RHOQ: variants seen among roughly 807,000 people sequenced by gnomAD.
RHOQ encodes the protein ras homolog family member Q.
A neutral mutation model predicts 25.8 loss-of-function variants in RHOQ; 7 were observed. The ratio of observed to expected loss-of-function variants is 0.27; its 90% CI spans 0.15 to 0.51. The LOEUF is 0.51. Ranked by LOEUF, RHOQ falls within the 20% of genes least tolerant of loss-of-function variation. The pLI, the probability that RHOQ is intolerant of heterozygous loss-of-function variation, is 0.97. For missense variants in RHOQ, 165 were observed against 260.6 expected, an observed-to-expected ratio of 0.63 and a Z score of 2.53; for synonymous variants, 97 against 98.6, an observed-to-expected ratio of 0.98 and a Z score of 0.10.
intron 2 of RHOQ, among the ~76,000 whole-genome samples, chr2:46,549,378 T>C: frequency 6.6e-6 from 1 of 152,062 alleles, no homozygotes; most frequent in Non-Finnish European, 1.5e-5. Flanking sequence ...TGCGGTTTTG[T>C]TGTGCAGTTT....
intron 2 of RHOQ, among the ~76,000 whole-genome samples, chr2:46,565,249 T>C (rs1668695417): frequency 6.6e-6 from 1 of 152,130 alleles, no homozygotes; most frequent in Non-Finnish European, 1.5e-5. Flanking sequence ...TAGCTAAGTA[T>C]GGGGCCAGGG....
intron 1 of RHOQ, 71 bp from the exon 2 acceptor site, chr2:46,543,683 G>T: frequency 7.1e-7 from 1 of 1,408,366 alleles, no homozygotes; most frequent in Non-Finnish European, 9.9e-7. Flanking sequence ...GGGTCCGGGT[G>T]GGGAGCGAAA....
intron 2 of RHOQ, among the ~76,000 whole-genome samples, chr2:46,562,317 C>T (rs1332181369): frequency 1.3e-5 from 2 of 151,900 alleles, no homozygotes; most frequent in African/African-American, 4.8e-5. Flanking sequence ...CCACCTGTCC[C>T]GTTGCTGACT....
chr2:46,563,259 T>G (rs1339015028), intron 2 of RHOQ, among the ~76,000 whole-genome samples: 1 of 152,180 alleles, frequency 6.6e-6, no homozygotes, highest in African/African-American at 2.4e-5. Context: ...CCTACCCACC[T>G]CTCCGTGTGA....
rs1367806919 is a variant in RHOQ at position 46,576,069 on chromosome 2, C to G, written c.202-18C>G. On this transcript the variant is annotated intron_variant, in intron 2 of 4. Transcript: ENST00000238738. This position sits in a 1 kb window ranked among gnomAD's most constrained non-coding sequence, Gnocchi z 5.1. ...ATAGAAATGTAAATACATAATGAGG[C>G]TTTTCTTTGTTCCTCAGGAAGACTA... The G allele has an allele frequency of 6.3e-7, 1 of 1,576,944 alleles. No individual in the cohort carries two copies. Among genetic ancestry groups the G allele is most frequent in the East Asian group, 2.3e-5 (1 of 44,362 alleles).
chr2:46,565,143 A>AT (rs1668692733), intron 2 of RHOQ, among the ~76,000 whole-genome samples: 1 of 152,160 alleles, frequency 6.6e-6, no homozygotes, highest in Non-Finnish European at 1.5e-5. Flanking sequence ...GACAACCCAG[A>AT]TCATGTGCCC....
intron 2 of RHOQ, among the ~76,000 whole-genome samples, chr2:46,575,119 T>A (rs1445944821): frequency 6.6e-6 from 1 of 152,034 alleles, no homozygotes; most frequent in African/African-American, 2.4e-5. Context: ...CCATCAGGAG[T>A]ATAGCTGTTC....
chr2:46,564,835 G>A (rs1668682056), intron 2 of RHOQ, among the ~76,000 whole-genome samples: 1 of 152,254 alleles, frequency 6.6e-6, no homozygotes, highest in African/African-American at 2.4e-5. Context: ...GAGCTGGGAT[G>A]TCTGTACACC....
chr2:46,551,871 T>C lies in RHOQ; in HGVS notation c.201+8059T>C, dbSNP rs1255052849. Among the ~76,000 whole-genome samples the C allele has an allele frequency of 2.0e-5, 3 of 152,212 alleles. 1 individual carries two copies. The highest frequency in any genetic ancestry group is 7.2e-5 in the African/African-American group (3 of 41,442). ...CCGCCTTGAGTTCCCTCACCTGCTC[T>C]GTGAGTAAAGGAAGCCAGTGGTGGC... On this transcript the variant is annotated intron_variant, in intron 2 of 4. Transcript: ENST00000238738.
At chr2:46,554,194 A>C (rs1006976633) in intron 2 of RHOQ, among the ~76,000 whole-genome samples, 4 of 150,460 alleles carry the variant, frequency 2.7e-5, no homozygotes, top group African/African-American at 9.8e-5. Flanking sequence ...CCTCATTTCT[A>C]GTTCTTTACA....
In RHOQ at chr2:46,576,789, T is replaced by C; in HGVS notation, c.462+133T>C. On this transcript the variant is annotated intron_variant, in intron 4 of 4. Transcript: ENST00000238738. The surrounding 1 kb of genome is among the most constrained non-coding windows in gnomAD (Gnocchi z 5.1). ...TGCATTATCTCATTTAATCCTTGCATGAACTCAGTGAGGTAGGTCTGTTTC... is the reference window on the plus strand; with the variant it reads ...TGCATTATCTCATTTAATCCTTGCACGAACTCAGTGAGGTAGGTCTGTTTC... 1.7e-6 allele frequency: 1 copy of C among 574,558 alleles called. No individual in the cohort carries two copies. The highest frequency in any genetic ancestry group is 3.1e-6 in the Non-Finnish European group (1 of 326,668). 35.6% of individuals were successfully genotyped at this position (574,558 alleles called of 1,614,324 possible). A position where few individuals can be genotyped will look rare whatever the true frequency, so the allele number is the denominator to read the frequency against.
rs1667843514 is a variant in RHOQ, at chr2:46,542,554, C to G, written c.-493C>G. 1 of 148,152 alleles carries G rather than the reference C, an allele frequency of 6.7e-6. No homozygotes were observed. Among genetic ancestry groups the G allele is most frequent in the South Asian group, 2.1e-4 (1 of 4,830 alleles). 9.2% of individuals were successfully genotyped at this position (148,152 alleles called of 1,614,324 possible). On this transcript the variant is annotated 5_prime_UTR_variant, in exon 1 of 5. Coordinates refer to ENST00000238738, the MANE Select transcript of RHOQ (RefSeq NM_012249.4). ...TGGGGCTCGGGTGCGCCGGCAGGGC[C>G]GCGCGGCGGCAGCAGGCGGGGGCGC...
intron 2 of RHOQ, among the ~76,000 whole-genome samples, chr2:46,553,556 C>A (rs1397811704): frequency 6.6e-6 from 1 of 151,950 alleles, no homozygotes; most frequent in Non-Finnish European, 1.5e-5. Context: ...CCTGTTGTGC[C>A]ATCAAATAGT....
At chr2:46,553,649 T>G (rs1668312905) in intron 2 of RHOQ, among the ~76,000 whole-genome samples, 1 of 152,100 alleles carries the variant, frequency 6.6e-6, no homozygotes, top group Non-Finnish European at 1.5e-5. Context: ...GGCACGGTCT[T>G]GGCTCACTCA....
intron 4 of RHOQ, among the ~76,000 whole-genome samples, chr2:46,578,647 T>C (rs1038952011): frequency 7.1e-6 from 1 of 141,242 alleles, no homozygotes; most frequent in Non-Finnish European, 1.5e-5. Context: ...TCCCAGCTAC[T>C]TGGGGGGCTG....
intron 1 of RHOQ, chr2:46,543,507 G>T: frequency 1.7e-6 from 1 of 601,524 alleles, no homozygotes. Context: ...AATATTCGAG[G>T]GGACCGAGCG....
At chr2:46,573,577 C>T (rs1349488732) in intron 2 of RHOQ, among the ~76,000 whole-genome samples, 5 of 152,214 alleles carry the variant, frequency 3.3e-5, no homozygotes, top group Admixed American at 2.0e-4. Context: ...TTTGTGCTCA[C>T]GTCTCTCATG....
chr2:46,563,102 A>G (rs1452665658), intron 2 of RHOQ, among the ~76,000 whole-genome samples: 2 of 152,076 alleles, frequency 1.3e-5, no homozygotes, highest in African/African-American at 4.8e-5. Flanking sequence ...ACTTGTGCCC[A>G]GGGCCACACA....
intron 2 of RHOQ, among the ~76,000 whole-genome samples, chr2:46,545,144 TTCTCAGC>T (rs1369428832): frequency 2.0e-5 from 3 of 152,184 alleles, no homozygotes; most frequent in Non-Finnish European, 2.9e-5. Flanking sequence ...GTACAGCCAG[TTCTCAGC>T]TCTCCTGGGC....
Sources: gnomAD v4.1 joint callset for allele counts (sites outside exome capture counted in the v4.1 genomes callset) on GRCh38, gnomAD v4.1.1 for gene constraint, Gnocchi (gnomAD v3.1) non-coding constraint, MANE v1.5 for transcripts, NCBI Gene and HGNC (gene_info 2026-07-23, HGNC 2026-07-21) for gene names.